Variants in BBS9 observed in about 807,000 individuals in gnomAD.
BBS9 encodes the protein Bardet-Biedl syndrome 9.
A neutral mutation model predicts 117.7 loss-of-function variants in BBS9; 89 were observed. That is an observed-to-expected ratio of 0.76 (90% CI 0.64 to 0.90). The LOEUF is 0.90. Among genes scored for constraint, BBS9 ranks in the 40% least tolerant of loss-of-function variants. BBS9 has a pLI of 0.00. For missense variants in BBS9, 982 were observed against 1,042.2 expected, an observed-to-expected ratio of 0.94 and a Z score of 0.80; for synonymous variants, 379 against 370.9, an observed-to-expected ratio of 1.02 and a Z score of -0.25.
At chr7:33,599,811 T>C (rs1863513946) in intron 21 of BBS9, among the ~76,000 whole-genome samples, 1 of 152,170 alleles carries the variant, frequency 6.6e-6, no homozygotes, top group South Asian at 2.1e-4. Context: ...CAATATTCCA[T>C]TGTAGAAATG....
intron 21 of BBS9, among the ~76,000 whole-genome samples, chr7:33,548,990 C>G (rs1853899899): frequency 1.3e-5 from 2 of 151,140 alleles, no homozygotes; most frequent in Non-Finnish European, 2.9e-5. Context: ...GCCAAAAGAA[C>G]AAAGCTGGAG....
intron 5 of BBS9, among the ~76,000 whole-genome samples, chr7:33,226,888 G>A (rs967229224): frequency 1.6e-4 from 24 of 152,134 alleles, no homozygotes; most frequent in African/African-American, 5.8e-4. Flanking sequence ...AGGGGCTTGG[G>A]AAAGGATAAT....
chr7:33,289,481 G>A (rs1408365907), intron 9 of BBS9, among the ~76,000 whole-genome samples: 1 of 151,978 alleles, frequency 6.6e-6, no homozygotes, highest in Non-Finnish European at 1.5e-5. Flanking sequence ...CTTTTTATTT[G>A]AGAGAAAAGT....
intron 21 of BBS9, among the ~76,000 whole-genome samples, chr7:33,594,987 C>T (rs1354582255): frequency 6.6e-6 from 1 of 152,030 alleles, no homozygotes; most frequent in Non-Finnish European, 1.5e-5. Flanking sequence ...ACTGGCTAGC[C>T]ATACGCAGAA....
At chr7:33,255,905 C>T (rs1002799288) in intron 5 of BBS9, among the ~76,000 whole-genome samples, 2 of 151,890 alleles carry the variant, frequency 1.3e-5, no homozygotes, top group Non-Finnish European at 2.9e-5. Flanking sequence ...CGCCTGTAGT[C>T]CCAGCACTTT....
At chr7:33,215,385 T>C (rs1788858218) in intron 5 of BBS9, among the ~76,000 whole-genome samples, 1 of 152,190 alleles carries the variant, frequency 6.6e-6, no homozygotes, top group Admixed American at 6.5e-5. Flanking sequence ...GCCAAGAATA[T>C]ACAATGAGGA....
chr7:33,163,153 C>T (rs750394944), intron 4 of BBS9, among the ~76,000 whole-genome samples: 5 of 151,360 alleles, frequency 3.3e-5, no homozygotes, highest in Non-Finnish European at 7.4e-5. Flanking sequence ...ATATGTTAAA[C>T]CAGCCTTGCA....
At chr7:33,151,546 T>A (rs1304819766) in intron 2 of BBS9, among the ~76,000 whole-genome samples, 1 of 146,382 alleles carries the variant, frequency 6.8e-6, no homozygotes, top group Non-Finnish European at 1.5e-5. Flanking sequence ...CATAGGGTTA[T>A]TATGAGGATT....
Position 33,505,626 on chromosome 7 carries a change from A to G in BBS9, c.2279A>G (p.Gln760Arg). 1 of 1,613,762 alleles carries G rather than the reference A, an allele frequency of 6.2e-7. No individual in the cohort carries two copies. Among genetic ancestry groups the G allele is most frequent in the Non-Finnish European group, 8.5e-7 (1 of 1,179,940 alleles). ...AILEAAFLPLQEDTQELGWEE... is the reference protein window; with the variant it reads ...AILEAAFLPLREDTQELGWEE... Reference sequence around the variant, plus strand: ...CTGGAAGCGGCATTTCTGCCGCTACAAGAAGACACTCAAGAATTGGTAAGG... The same window carrying G: ...CTGGAAGCGGCATTTCTGCCGCTACGAGAAGACACTCAAGAATTGGTAAGG... The change falls in exon 20 of 23, where the codon CAA becomes CGA. Residue 760 changes from glutamine (Q) to arginine (R), a missense_variant. Gln to Arg is a conservative substitution (Grantham distance 43). Coordinates refer to ENST00000242067, the MANE Select transcript of BBS9 (RefSeq NM_198428.3).
At chr7:33,303,824 G>A (rs1239585383) in intron 9 of BBS9, among the ~76,000 whole-genome samples, 2 of 152,138 alleles carry the variant, frequency 1.3e-5, no homozygotes, top group Non-Finnish European at 2.9e-5. Context: ...TGTGGCCCAG[G>A]CTGGAGTGCA....
At chr7:33,286,686 GT>G (rs1389208169) in intron 9 of BBS9, among the ~76,000 whole-genome samples, 2 of 151,944 alleles carry the variant, frequency 1.3e-5, no homozygotes, top group South Asian at 2.1e-4. Flanking sequence ...TTATTTGTGT[GT>G]GGGGGGCAGT....
At chr7:33,533,778 AACAGG>A in intron 20 of BBS9, 171 bp from the exon 21 acceptor site, 1 of 690,136 alleles carries the variant, frequency 1.4e-6, no homozygotes, top group Non-Finnish European at 2.5e-6. Flanking sequence ...CTCAAGGTCA[AACAGG>A]TGACAGAGCC....
chr7:33,560,373 T>G (rs1339729438), intron 21 of BBS9, among the ~76,000 whole-genome samples: 1 of 152,218 alleles, frequency 6.6e-6, no homozygotes, highest in African/African-American at 2.4e-5. Context: ...ACTGCTTCCC[T>G]TTCTAAATGA....
At chr7:33,605,029 T>C (rs770099986) in intron 22 of BBS9, 54 bp downstream of exon 22, 9 of 1,520,278 alleles carry the variant, frequency 5.9e-6, no homozygotes, top group Non-Finnish European at 8.2e-6. Flanking sequence ...GCAGTGACAA[T>C]CTGGTCAGTT....
intron 5 of BBS9, among the ~76,000 whole-genome samples, chr7:33,207,284 T>A (rs1339446530): frequency 2.0e-5 from 3 of 152,224 alleles, no homozygotes; most frequent in African/African-American, 7.2e-5. Flanking sequence ...ACTGTGGTAG[T>A]TGCAAAATGA....
At chr7:33,241,739 CT>C (rs1352230459) in intron 5 of BBS9, among the ~76,000 whole-genome samples, 7 of 151,842 alleles carry the variant, frequency 4.6e-5, no homozygotes, top group African/African-American at 1.7e-4. Flanking sequence ...ACTTTGTTCA[CT>C]CTTAATTATT....
intron 11 of BBS9, among the ~76,000 whole-genome samples, chr7:33,341,248 T>G (rs1563027758): frequency 6.6e-6 from 1 of 152,120 alleles, no homozygotes; most frequent in African/African-American, 2.4e-5. Context: ...TAATCCTACT[T>G]AAAAAAATTT....
intron 20 of BBS9, among the ~76,000 whole-genome samples, chr7:33,530,779 AT>A (rs1470077372): frequency 6.6e-6 from 1 of 152,102 alleles, no homozygotes; most frequent in South Asian, 2.1e-4. Flanking sequence ...TGTTGAAAGG[AT>A]TTTCAAGATG....
intron 21 of BBS9, among the ~76,000 whole-genome samples, chr7:33,545,592 G>T (rs937845631): frequency 4.6e-5 from 7 of 152,048 alleles, no homozygotes; most frequent in Admixed American, 2.6e-4. Context: ...GAGTCTGTGG[G>T]TCCTCGGGAT....
Sources: gnomAD v4.1 joint callset for allele counts (sites outside exome capture counted in the v4.1 genomes callset) on GRCh38, gnomAD v4.1.1 for gene constraint, MANE v1.5 for transcripts, NCBI Gene and HGNC (gene_info 2026-07-23, HGNC 2026-07-21) for gene names.